The following SIRT6 variants were observed in gnomAD, a reference collection of about 807,000 sequenced individuals.
SIRT6 encodes the protein sirtuin 6.
Under a neutral mutation model 33.6 loss-of-function variants are expected in SIRT6, and 21 were observed. The observed-to-expected ratio is 0.62, with a 90% CI of 0.44 to 0.90. SIRT6 has a LOEUF of 0.90. SIRT6 is among the 40% of genes least tolerant of loss of function. The probability of loss-of-function intolerance (pLI) is 0.00; values close to 1 mark genes in which losing one functional copy is unlikely to be tolerated. For synonymous variants in SIRT6, 221 were observed against 223.9 expected, an observed-to-expected ratio of 0.99 and a Z score of 0.12; for missense variants, 504 against 510.6, an observed-to-expected ratio of 0.99 and a Z score of 0.12.
intron 3 of SIRT6, 86 bp downstream of exon 3, chr19:4,179,018 C>A: frequency 1.3e-6 from 2 of 1,496,004 alleles, no homozygotes; most frequent in Admixed American, 2.0e-5. Context: ...CTTATAGAAC[C>A]AGGAAAAGGG....
intron 4 of SIRT6, among the ~76,000 whole-genome samples, chr19:4,176,385 T>C (rs1967306368): frequency 6.6e-6 from 1 of 152,152 alleles, no homozygotes; most frequent in Non-Finnish European, 1.5e-5. Flanking sequence ...GGTCAGGAGT[T>C]CGACACCAGC....
At position 4,174,952 on chromosome 19, in the gene SIRT6, G is replaced by T. The variant is rs768175217; in HGVS notation, c.739-6C>A. On this transcript the variant is annotated splice_region_variant and splice_polypyrimidine_tract_variant and intron_variant, in intron 7 of 7. Coordinates refer to ENST00000337491, the MANE Select transcript of SIRT6 (RefSeq NM_016539.4). The surrounding 1 kb of genome is among the most constrained non-coding windows in gnomAD (Gnocchi z 4.2). ...CGGAGGTCAGCATGGCGGTCCTGCC[G>T]AGGGGCGGGACGGGTCAGGCGTGGG... The T allele has an allele frequency of 6.2e-7, 1 of 1,609,250 alleles. No homozygotes were observed. Among genetic ancestry groups the T allele is most frequent in the Non-Finnish European group, 8.5e-7 (1 of 1,179,262 alleles).
At chr19:4,181,912 T>A (rs1363918742) in intron 1 of SIRT6, among the ~76,000 whole-genome samples, 2 of 152,162 alleles carry the variant, frequency 1.3e-5, no homozygotes, top group Admixed American at 6.5e-5. Context: ...GCCAGCCTTA[T>A]GGAATGGGGC....
At position 4,174,646 on chromosome 19, in the gene SIRT6, T is replaced by C; in HGVS notation, c.1039A>G (p.Arg347Gly). The C allele has an allele frequency of 6.9e-7, 1 of 1,449,848 alleles. No homozygotes were observed. The allele number at this position is 1,449,848 out of a possible 1,614,324, so 89.8% of individuals were successfully genotyped here. Residue 347 changes from arginine to glycine, a missense_variant, in exon 8 of 8, where the codon AGG becomes GGG. Physicochemically the swap from Arg to Gly is moderately radical, Grantham distance 125 (BLOSUM62 -2). Transcript: ENST00000337491. The surrounding 1 kb of genome is among the most constrained non-coding windows in gnomAD (Gnocchi z 4.2). ...TSPAPHRPPK[R>G]VKAKAVPS is the part of the protein sequence containing the mutation. ...CTGGGGACCGCCTTGGCCTTCACCC[T>C]TTTGGGGGGTCTGTGGGGGGCAGGG...
At position 4,177,121 on chromosome 19, in the gene SIRT6, A is replaced by C. The variant is rs764247906; in HGVS notation, c.395T>G (p.Leu132Arg). The C allele has an allele frequency of 3.7e-6, 6 of 1,613,846 alleles. No individual in the cohort carries two copies. The highest frequency in any genetic ancestry group is 5.1e-6 in the Non-Finnish European group (6 of 1,179,934). Reference sequence around the variant, plus strand: ...TTCTTCCACAAACATGTTCCCGTGGAGCTCTGCCAGTTTGTCCCTGTGGGA... The same window carrying C: ...TTCTTCCACAAACATGTTCCCGTGGCGCTCTGCCAGTTTGTCCCTGTGGGA... ...SGFPRDKLAE[L>R]HGNMFVEECA... The change falls in exon 4 of 8, where the codon CTC (leucine) becomes CGC (arginine). Residue 132 changes from leucine to arginine, a missense_variant. Leu to Arg is a moderately radical substitution (Grantham distance 102, BLOSUM62 -2). Coordinates refer to ENST00000337491, the MANE Select transcript of SIRT6 (RefSeq NM_016539.4).
At position 4,174,140 on chromosome 19, in the gene SIRT6, G is replaced by A. The variant is rs1337933708; in HGVS notation, c.*477C>T. Reference sequence around the variant, plus strand: ...AAAGAAATTGTTTTTATTGCATTGAGGACTTTTCCAGAAGCCTGGTGGACC... The same window carrying A: ...AAAGAAATTGTTTTTATTGCATTGAAGACTTTTCCAGAAGCCTGGTGGACC... On this transcript the variant is annotated 3_prime_UTR_variant, in exon 8 of 8. Transcript: ENST00000337491. This position sits in a 1 kb window ranked among gnomAD's most constrained non-coding sequence, Gnocchi z 4.2. 1.9e-5 allele frequency: 3 copies of A among 156,782 alleles called. No homozygotes were observed. The highest frequency in any genetic ancestry group is 2.0e-4 in the South Asian group (1 of 4,890). 9.7% of individuals were successfully genotyped at this position (156,782 alleles called of 1,614,324 possible). A position where few individuals can be genotyped will look rare whatever the true frequency, so the allele number is the denominator to read the frequency against.
rs780761986 is a variant in SIRT6 at position 4,179,192 on chromosome 19, C to T, written c.289G>A (p.Ala97Thr). ...ESARPTQTHM[A>T]LVQLERVGLL... ...CCCACGCGCTCCAGCTGCACCAGCG[C>T]CATGTGGGTCTGCGTGGGCCGCGCG... The change falls in exon 3 of 8, where the codon GCG (alanine) becomes ACG (threonine). Residue 97 changes from alanine (A) to threonine (T), a missense_variant. By Grantham distance (58) the Ala-to-Thr change is moderately conservative (BLOSUM62 0). Coordinates refer to ENST00000337491, the MANE Select transcript of SIRT6 (RefSeq NM_016539.4). 2.5e-6 allele frequency: 4 copies of T among 1,612,200 alleles called. No individual in the cohort carries two copies. In the African/African-American group the frequency reaches 5.3e-5, roughly 22 times the overall value.
chr19:4,180,604 T>C (rs1394157435), intron 2 of SIRT6, 178 bp downstream of exon 2: 1 of 697,964 alleles, frequency 1.4e-6, no homozygotes, highest in Non-Finnish European at 2.1e-6. Context: ...TGGTCTGGAA[T>C]TCTTGACCTT....
At chr19:4,179,392 A>T in intron 2 of SIRT6, 106 bp from the exon 3 acceptor site, 1 of 1,230,654 alleles carries the variant, frequency 8.1e-7, no homozygotes, top group Non-Finnish European at 1.1e-6. Context: ...AGAGAAAATC[A>T]GGAGACAGAG....
chr19:4,175,316 G>GGTCCGTTGGCGGGGTCATTGA, intron 6 of SIRT6, 165 bp from the exon 7 acceptor site: 1 of 949,072 alleles, frequency 1.1e-6, no homozygotes, highest in Non-Finnish European at 1.5e-6. Context: ...CCTCCTCTGC[G>GGTCCGTTGGCGGGGTCATTGA]GTCCGTTGGC....
Position 4,174,726 on chromosome 19 carries a change from C to T in SIRT6, c.959G>A (p.Cys320Tyr). 6.8e-7 allele frequency: 1 copy of T among 1,473,170 alleles called. No individual in the cohort carries two copies. Among genetic ancestry groups the T allele is most frequent in the Non-Finnish European group, 9.0e-7 (1 of 1,110,346 alleles). 91.3% of individuals were successfully genotyped at this position (1,473,170 alleles called of 1,614,324 possible). A position where few individuals can be genotyped will look rare whatever the true frequency, so the allele number is the denominator to read the frequency against. Residue 320 changes from cysteine (C) to tyrosine (Y), a missense_variant, in exon 8 of 8, where the codon TGC becomes TAC. Physicochemically the swap from Cys to Tyr is radical, Grantham distance 194. Transcript: ENST00000337491. This position sits in a 1 kb window ranked among gnomAD's most constrained non-coding sequence, Gnocchi z 4.2. The part of the protein sequence containing the change: ...SIPAGPKQEP[C>Y]AQHNGSEPAS... ...GGGCTCTGAGCCGTTGTGCTGGGCGCAGGGCTCCTGCTTGGGGCCGGCGGG... is the reference window on the plus strand; with the variant it reads ...GGGCTCTGAGCCGTTGTGCTGGGCGTAGGGCTCCTGCTTGGGGCCGGCGGG...
chr19:4,174,772 TG>T lies in SIRT6; in HGVS notation c.912del (p.Thr305ProfsTer44). On this transcript the variant is annotated frameshift_variant, in exon 8 of 8. Transcript: ENST00000337491. LOFTEE classifies it low-confidence loss of function (END_TRUNC). The surrounding 1 kb of genome is among the most constrained non-coding windows in gnomAD (Gnocchi z 4.2). ...TPKLEPKEES[P>X]TRINGSIPAG... is the part of the protein sequence containing the mutation. ...GCGGGGATAGAGCCGTTGATCCGGGTGGGAGATTCCTCCTTGGGCTCCAGCT... is the reference window on the plus strand; with the variant it reads ...GCGGGGATAGAGCCGTTGATCCGGGTGGAGATTCCTCCTTGGGCTCCAGCT... The T allele has an allele frequency of 8.2e-7, 1 of 1,223,476 alleles. No individual in the cohort carries two copies. The allele number at this position is 1,223,476 out of a possible 1,614,324, so 75.8% of individuals were successfully genotyped here.
Position 4,175,166 on chromosome 19 carries a change from C to T in SIRT6, c.615-15G>A, listed in dbSNP as rs377542545. 17 of 1,593,080 alleles carry T rather than the reference C, an allele frequency of 1.1e-5. No homozygotes were observed. The highest frequency in any genetic ancestry group is 6.8e-5 in the East Asian group (3 of 44,402). ...GGTCGGCGTTCCTGGGGCCGGGGAG[C>T]GTGGGCTGAGCCTGATGCCCTGCTC... On this transcript the variant is annotated splice_polypyrimidine_tract_variant and intron_variant, in intron 6 of 7. Coordinates refer to ENST00000337491, the MANE Select transcript of SIRT6 (RefSeq NM_016539.4).
intron 1 of SIRT6, 40 bp downstream of exon 1, chr19:4,182,434 G>A (rs756285776): frequency 1.9e-6 from 3 of 1,591,264 alleles, no homozygotes; most frequent in South Asian, 1.1e-5. Flanking sequence ...CCAGCCCGCG[G>A]CCCTGGGGCG....
chr19:4,174,799 T>TGGGG lies in SIRT6; in HGVS notation c.882_885dup (p.Lys296ProfsTer133). On this transcript the variant is annotated frameshift_variant, in exon 8 of 8. Transcript: ENST00000337491. LOFTEE classifies it low-confidence loss of function (END_TRUNC). This position sits in a 1 kb window ranked among gnomAD's most constrained non-coding sequence, Gnocchi z 4.2. ...GGAGATTCCTCCTTGGGCTCCAGCT[T>TGGGG]GGGGGTGGGCGGGCGGGGCAGGGGT... 3.5e-6 allele frequency: 1 copy of TGGGG among 283,566 alleles called. No homozygotes were observed. The highest frequency in any genetic ancestry group is 6.2e-6 in the Non-Finnish European group (1 of 160,156). The allele number at this position is 283,566 out of a possible 1,614,324, so 17.6% of individuals were successfully genotyped here. A position where few individuals can be genotyped will look rare whatever the true frequency, so the allele number is the denominator to read the frequency against.
chr19:4,179,115 T>C lies in SIRT6; in HGVS notation c.366A>G (p.Ser122=). Residue 122 remains serine (S), a synonymous_variant, in exon 3 of 8, where the codon TCA becomes TCG. Transcript: ENST00000337491. ...GGCCAGGGTGTTACCTGGGGAAGCC[T>C]GAGCGCACATGGAGCCCGTCCACGT... ...SQNVDGLHVR[S]GFPRDKLAEL... is the part of the protein sequence containing the mutation. 1 of 1,612,096 alleles carries C rather than the reference T, an allele frequency of 6.2e-7. No homozygotes were observed. Among genetic ancestry groups the C allele is most frequent in the Non-Finnish European group, 8.5e-7 (1 of 1,179,774 alleles).
At chr19:4,175,362 C>G in intron 6 of SIRT6, 1 of 687,572 alleles carries the variant, frequency 1.5e-6, no homozygotes, top group Non-Finnish European at 2.4e-6. Context: ...TAGACACTTC[C>G]GGGGAGTATC....
rs1222242935 is a variant in SIRT6 at position 4,182,464 on chromosome 19, A to T, written c.66+10T>A. 6.2e-7 allele frequency: 1 copy of T among 1,607,470 alleles called. No homozygotes were observed. Among genetic ancestry groups the T allele is most frequent in the Admixed American group, 1.7e-5 (1 of 59,470 alleles). ...GGGGCGCGATGCTCGGGACCCTCAG[A>T]CGCGCTCACCTCCGGGAGGCCGCAC... is the stretch of plus-strand genomic sequence containing the variant. On this transcript the variant is annotated intron_variant, in intron 1 of 7. Transcript: ENST00000337491.
Position 4,174,832 on chromosome 19 carries a change from C to A in SIRT6, c.853G>T (p.Ala285Ser). ...AWDGPRVLERALPPLPRPPTP... is the reference protein window; with the variant it reads ...AWDGPRVLERSLPPLPRPPTP... ...GGCGGGCGGGGCAGGGGTGGCAGCG[C>A]CCTCTCCAGCACACGGGGGCCGTCC... is the stretch of plus-strand genomic sequence containing the variant. Residue 285 changes from alanine to serine, a missense_variant, in exon 8 of 8, where the codon GCG (alanine) becomes TCG (serine). By Grantham distance (99) the Ala-to-Ser change is moderately conservative (BLOSUM62 1). Transcript: ENST00000337491. This position sits in a 1 kb window ranked among gnomAD's most constrained non-coding sequence, Gnocchi z 4.2. 1 of 1,579,494 alleles carries A rather than the reference C, an allele frequency of 6.3e-7. No individual in the cohort carries two copies. The highest frequency in any genetic ancestry group is 8.6e-7 in the Non-Finnish European group (1 of 1,169,502).
Sources: allele counts gnomAD v4.1 joint callset (sites outside exome capture counted in the v4.1 genomes callset), GRCh38; gene constraint gnomAD v4.1.1; non-coding constraint Gnocchi (gnomAD v3.1); transcripts MANE v1.5; gene names NCBI Gene and HGNC (gene_info 2026-07-23, HGNC 2026-07-21).